ADD1: variants seen among roughly 807,000 people sequenced by gnomAD.
The protein encoded by ADD1 is adducin 1.
ADD1 carries 24 observed loss-of-function variants against 80.5 expected under a neutral mutation model. The ratio of observed to expected loss-of-function variants is 0.30; its 90% CI spans 0.22 to 0.42. The LOEUF (loss-of-function observed/expected upper bound fraction) is 0.42, where lower values mean the gene tolerates loss of function less well. Ranked by LOEUF, ADD1 falls within the 10% of genes least tolerant of loss-of-function variation. The probability of loss-of-function intolerance (pLI) is 1.00; values close to 1 mark genes in which losing one functional copy is unlikely to be tolerated. For missense variants in ADD1, 948 were observed against 1,019.0 expected (o/e 0.93, Z 0.95); for synonymous variants, 373 against 393.8 (o/e 0.95, Z 0.63).
At chr4:2,923,902 A>G (rs1226096221) in intron 14 of ADD1, among the ~76,000 whole-genome samples, 4 of 152,186 alleles carry the variant, frequency 2.6e-5, no homozygotes, top group Admixed American at 1.3e-4. Context: ...TTCCTCACTG[A>G]GTCTTTGGTC....
chr4:2,878,659 T>G (rs79196604), intron 2 of ADD1, among the ~76,000 whole-genome samples: 2,656 of 152,142 alleles, frequency 0.017, 56 homozygotes, highest in African/African-American at 0.046. Flanking sequence ...GCGCGGTGGC[T>G]CATACCTGTA....
At chr4:2,863,219 A>ATTTTTTT (rs34312305) in intron 1 of ADD1, among the ~76,000 whole-genome samples, 3 of 123,758 alleles carry the variant, frequency 2.4e-5, no homozygotes, top group Non-Finnish European at 3.3e-5. Context: ...CTAATTTTTA[A>ATTTTTTT]TTTTTTTTTT....
rs1388294860 is a variant in ADD1, at chr4:2,928,990, AATCT to A, written c.*470_*473del. 1 of 171,462 alleles carries A rather than the reference AATCT, an allele frequency of 5.8e-6. No individual in the cohort carries two copies. Among genetic ancestry groups the A allele is most frequent in the East Asian group, 1.9e-4 (1 of 5,306 alleles). The allele number at this position is 171,462 out of a possible 1,614,324, so 10.6% of individuals were successfully genotyped here. A position where few individuals can be genotyped will look rare whatever the true frequency, so the allele number is the denominator to read the frequency against. On this transcript the variant is annotated 3_prime_UTR_variant, in exon 16 of 16. Coordinates refer to ENST00000683351, the MANE Select transcript of ADD1 (RefSeq NM_001354761.2). The stretch of plus-strand genomic sequence containing the variant: ...TCTCTCTGCTCAGTGATCTCACTTA[AATCT>A]ATATACAAAGCCTTGGTCCCGTGAA...
Position 2,929,986 on chromosome 4 carries a change from C to G in ADD1, c.*1463C>G, listed in dbSNP as rs530942270. 6.6e-6 allele frequency: 1 copy of G among 152,668 alleles called. No individual in the cohort carries two copies. Among genetic ancestry groups the G allele is most frequent in the Admixed American group, 6.5e-5 (1 of 15,306 alleles). The allele number at this position is 152,668 out of a possible 1,614,324, so 9.5% of individuals were successfully genotyped here. On this transcript the variant is annotated 3_prime_UTR_variant, in exon 16 of 16. Transcript: ENST00000683351. ...GAAATATAGTTGCATATATGGACAC[C>G]GACTTGGGAGGACAGGTCCTGAATG...
At chr4:2,866,253 G>A (rs1416281914) in intron 1 of ADD1, among the ~76,000 whole-genome samples, 1 of 151,992 alleles carries the variant, frequency 6.6e-6, no homozygotes, top group African/African-American at 2.4e-5. Flanking sequence ...TGCACCCTTC[G>A]CCTTCCGGGT....
intron 14 of ADD1, among the ~76,000 whole-genome samples, chr4:2,923,527 C>A (rs1268354348): frequency 6.6e-6 from 1 of 152,254 alleles, no homozygotes; most frequent in Non-Finnish European, 1.5e-5. Context: ...ATGCAGAAAT[C>A]ATCCACCTTC....
chr4:2,857,182 G>T (rs927611122), intron 1 of ADD1, among the ~76,000 whole-genome samples: 174 of 151,820 alleles, frequency 1.1e-3, no homozygotes, highest in African/African-American at 3.9e-3. Context: ...AAAGTGCTAA[G>T]ATTACAGACG....
intron 4 of ADD1, among the ~76,000 whole-genome samples, chr4:2,893,164 A>G (rs950841772): frequency 6.6e-6 from 1 of 151,996 alleles, no homozygotes; most frequent in African/African-American, 2.4e-5. Flanking sequence ...CCTGACCTCA[A>G]GTGATCCACC....
chr4:2,907,068 T>C (rs1378434101), intron 10 of ADD1: 1 of 152,214 alleles, frequency 6.6e-6, no homozygotes, highest in African/African-American at 2.4e-5. Flanking sequence ...AAACAGCCTT[T>C]AAATATTAAG....
chr4:2,893,458 C>G (rs1434850337), intron 4 of ADD1, among the ~76,000 whole-genome samples: 1 of 151,920 alleles, frequency 6.6e-6, no homozygotes, highest in Non-Finnish European at 1.5e-5. Flanking sequence ...ATACAAAATA[C>G]AATAATTAGC....
chr4:2,847,305 C>A (rs761923616), intron 1 of ADD1, among the ~76,000 whole-genome samples: 3 of 151,902 alleles, frequency 2.0e-5, no homozygotes, highest in Non-Finnish European at 4.4e-5. Flanking sequence ...CCTGTAATCC[C>A]CACTACTAGG....
chr4:2,883,510 GT>G (rs1170396204), intron 3 of ADD1, among the ~76,000 whole-genome samples: 1 of 151,734 alleles, frequency 6.6e-6, no homozygotes, highest in Non-Finnish European at 1.5e-5. Context: ...GGTGAATTAT[GT>G]TTTTTTGTTT....
intron 4 of ADD1, among the ~76,000 whole-genome samples, chr4:2,892,901 T>A (rs1423821740): frequency 6.6e-6 from 1 of 151,938 alleles, no homozygotes; most frequent in Non-Finnish European, 1.5e-5. Context: ...TTTTAATTAT[T>A]TTTTTATTTT....
At chr4:2,896,744 G>T (rs1735306627) in intron 6 of ADD1, among the ~76,000 whole-genome samples, 1 of 151,998 alleles carries the variant, frequency 6.6e-6, no homozygotes, top group African/African-American at 2.4e-5. Flanking sequence ...GTTATGAACA[G>T]CTATCACGTA....
rs33915400 is a variant in ADD1, at chr4:2,875,959, C to T, written c.44C>T (p.Pro15Leu). 1.3e-5 allele frequency: 21 copies of T among 1,613,414 alleles called. No individual in the cohort carries two copies. Among genetic ancestry groups the T allele is most frequent in the Middle Eastern group, 3.3e-4 (2 of 6,076 alleles). The change falls in exon 2 of 16, where the codon CCG (proline) becomes CTG (leucine). Residue 15 changes from proline (P) to leucine (L), a missense_variant. Physicochemically the swap from Pro to Leu is moderately conservative, Grantham distance 98. Coordinates refer to ENST00000683351, the MANE Select transcript of ADD1 (RefSeq NM_001354761.2). The part of the protein sequence containing the change: ...SRAAVVTSPP[P>L]TTAPHKERYF... ...GCTGCGGTGGTGACCTCACCACCCC[C>T]GACCACAGCCCCTCACAAGGAGAGG...
intron 14 of ADD1, among the ~76,000 whole-genome samples, chr4:2,915,284 T>C (rs1366359049): frequency 6.6e-6 from 1 of 152,248 alleles, no homozygotes; most frequent in African/African-American, 2.4e-5. Flanking sequence ...GGAGGGCGGA[T>C]GACCTGAGGT....
chr4:2,866,604 G>T (rs1201227160), intron 1 of ADD1, among the ~76,000 whole-genome samples: 1 of 151,868 alleles, frequency 6.6e-6, no homozygotes, highest in African/African-American at 2.4e-5. Flanking sequence ...GGCCTGTTCT[G>T]TGCTAAATGG....
At chr4:2,868,946 T>C (rs1259014518) in intron 1 of ADD1, among the ~76,000 whole-genome samples, 1 of 152,128 alleles carries the variant, frequency 6.6e-6, no homozygotes, top group Non-Finnish European at 1.5e-5. Flanking sequence ...ATTAAAAATA[T>C]GTGGAACACC....
At chr4:2,853,524 C>A (rs1187844201) in intron 1 of ADD1, 1 of 151,902 alleles carries the variant, frequency 6.6e-6, no homozygotes, top group Non-Finnish European at 1.5e-5. Flanking sequence ...ATTATGATTT[C>A]TTTTTTGGCC....
Sources: allele counts gnomAD v4.1 joint callset (sites outside exome capture counted in the v4.1 genomes callset), GRCh38; gene constraint gnomAD v4.1.1; transcripts MANE v1.5; gene names NCBI Gene and HGNC (gene_info 2026-07-23, HGNC 2026-07-21).